The following ZNF99 variants were observed in gnomAD, a reference collection of about 807,000 sequenced individuals.
ZNF99 encodes zinc finger protein ENSP00000375192.
A neutral mutation model predicts 12.8 loss-of-function variants in ZNF99; 8 were observed. The ratio of observed to expected loss-of-function variants is 0.62; its 90% CI spans 0.37 to 1.13. ZNF99 has a LOEUF of 1.13. Among genes scored for constraint, ZNF99 ranks in the 50% most tolerant of loss-of-function variants. The pLI is 0.02. For synonymous variants in ZNF99, 318 were observed against 319.0 expected, an observed-to-expected ratio of 1.00 and a Z score of 0.03; for missense variants, 1,007 against 1,006.2, an observed-to-expected ratio of 1.00 and a Z score of -0.01.
chr19:22,770,891 T>C (rs1350817511), intron 1 of ZNF99: 1 of 152,184 alleles, frequency 6.6e-6, no homozygotes, highest in East Asian at 1.9e-4. Flanking sequence ...TTAAGCAGAC[T>C]TTCTTTAGCA....
Position 22,757,902 on chromosome 19 carries a change from T to G in ZNF99, c.2007A>C (p.Val669=), listed in dbSNP as rs1271552902. Residue 669 remains valine, a synonymous_variant, in exon 4 of 4, where the codon GTA becomes GTC. Coordinates refer to ENST00000596209, the MANE Select transcript of ZNF99 (RefSeq NM_001080409.3). ...TGTAGGGTTTCTCTTCAGTATGAAT[T>G]ACTTTATGTCTAGTAAGGTGTGAGG... ...KWSSHLTRHK[V]IHTEEKPYKC... 3 of 1,612,792 alleles carry G rather than the reference T, an allele frequency of 1.9e-6. No homozygotes were observed. The South Asian group carries it at 3.3e-5, about 18-fold the overall frequency.
rs1973000344 is a variant in ZNF99, at chr19:22,753,492, GTTTT to G, written c.*3818_*3821del. On this transcript the variant is annotated 3_prime_UTR_variant, in exon 4 of 4. Transcript: ENST00000596209. The stretch of plus-strand genomic sequence containing the variant: ...TTTTCCAAATTTATTACATTTGCAG[GTTTT>G]TTTCTCTATTATACATTCCCTGATA... 1 of 151,816 alleles carries G rather than the reference GTTTT, an allele frequency of 6.6e-6. No homozygotes were observed. Among genetic ancestry groups the G allele is most frequent in the African/African-American group, 2.4e-5 (1 of 41,336 alleles). 9.4% of individuals were successfully genotyped at this position (151,816 alleles called of 1,614,324 possible). A position where few individuals can be genotyped will look rare whatever the true frequency, so the allele number is the denominator to read the frequency against.
intron 3 of ZNF99, among the ~76,000 whole-genome samples, chr19:22,766,187 T>C (rs1207190451): frequency 1.4e-5 from 2 of 145,154 alleles, no homozygotes; most frequent in Non-Finnish European, 3.0e-5. Context: ...AAAAATTTTA[T>C]AGAAACTACG....
intron 1 of ZNF99, among the ~76,000 whole-genome samples, chr19:22,780,126 A>G (rs1973371354): frequency 6.6e-6 from 1 of 152,158 alleles, no homozygotes; most frequent in African/African-American, 2.4e-5. Context: ...GACTCCCCAG[A>G]AAAAACTAAC....
In ZNF99 at chr19:22,753,865, G is replaced by A. The variant is rs900095810; in HGVS notation, c.*3449C>T. 55 of 292,240 alleles carry A rather than the reference G, an allele frequency of 1.9e-4. No individual in the cohort carries two copies. Among genetic ancestry groups the A allele is most frequent in the Non-Finnish European group, 3.2e-4 (47 of 145,500 alleles). The allele number at this position is 292,240 out of a possible 1,614,324, so 18.1% of individuals were successfully genotyped here. Reference sequence around the variant, plus strand: ...TAAATATTTTGCCACATTCTTCATAGTTTTCTCTAGGATAAATTAGCTTAT... The same window carrying A: ...TAAATATTTTGCCACATTCTTCATAATTTTCTCTAGGATAAATTAGCTTAT... On this transcript the variant is annotated 3_prime_UTR_variant, in exon 4 of 4. Transcript: ENST00000596209.
At chr19:22,768,255 G>C in intron 3 of ZNF99, 50 bp downstream of exon 3, 1 of 1,586,940 alleles carries the variant, frequency 6.3e-7, no homozygotes, top group Non-Finnish European at 8.6e-7. Context: ...CTTTCTCCTG[G>C]ACCTCTGGAC....
In ZNF99 at chr19:22,768,380, C is replaced by G; in HGVS notation, c.151G>C (p.Asp51His). The G allele has an allele frequency of 1.9e-6, 3 of 1,613,652 alleles. No homozygotes were observed. The highest frequency in any genetic ancestry group is 2.5e-6 in the Non-Finnish European group (3 of 1,179,866). The change falls in exon 3 of 4, where the codon GAC becomes CAC. Residue 51 changes from aspartate (D) to histidine (H), a missense_variant. Transcript: ENST00000596209. ...CCTTGCTTCAGACAAGTTATCAAGT[C>G]TAGCTTAGAGACAGCGATACCTGTT... ...VFLGIAVSKL[D>H]LITCLKQGKE...
chr19:22,766,713 G>A (rs1373290935), intron 3 of ZNF99, among the ~76,000 whole-genome samples: 2 of 147,976 alleles, frequency 1.4e-5, no homozygotes, highest in East Asian at 2.0e-4. Context: ...GTGCAATGGC[G>A]CCATCTCGGC....
At chr19:22,759,958 C>T (rs765821362) in intron 3 of ZNF99, among the ~76,000 whole-genome samples, 98 of 152,282 alleles carry the variant, frequency 6.4e-4, no homozygotes, top group Non-Finnish European at 1.3e-3. Flanking sequence ...GTTACAGTTT[C>T]CCAACTCAGC....
At chr19:22,767,331 G>T (rs961447360) in intron 3 of ZNF99, among the ~76,000 whole-genome samples, 2 of 151,976 alleles carry the variant, frequency 1.3e-5, no homozygotes, top group Non-Finnish European at 2.9e-5. Flanking sequence ...TGCCTGAGTG[G>T]CTTAAGAAAA....
rs1364801698 is a variant in ZNF99, at chr19:22,758,450, C to G, written c.1459G>C (p.Gly487Arg). ...TTTGAGGACCACTTAAAAGCTTTACCACATTCTTCACATTTGTAGGGTTTC... is the reference window on the plus strand; with the variant it reads ...TTTGAGGACCACTTAAAAGCTTTACGACATTCTTCACATTTGTAGGGTTTC... Reference protein sequence around the residue: ...GEKPYKCEECGKAFKWSSKLT... With the variant: ...GEKPYKCEECRKAFKWSSKLT... The change falls in exon 4 of 4, where the codon GGT becomes CGT. Residue 487 changes from glycine (G) to arginine (R), a missense_variant. Physicochemically the swap from Gly to Arg is moderately radical, Grantham distance 125. Coordinates refer to ENST00000596209, the MANE Select transcript of ZNF99 (RefSeq NM_001080409.3). 1.9e-6 allele frequency: 3 copies of G among 1,612,868 alleles called. No individual in the cohort carries two copies. The highest frequency in any genetic ancestry group is 2.7e-5 in the African/African-American group (2 of 74,766).
At chr19:22,774,330 T>G (rs1030038078) in intron 1 of ZNF99, 1 of 153,010 alleles carries the variant, frequency 6.5e-6, no homozygotes, top group African/African-American at 2.4e-5. Flanking sequence ...TTTTAGAAGG[T>G]TTCTCTTCCA....
Position 22,759,650 on chromosome 19 carries a change from G to T in ZNF99, c.259C>A (p.Pro87Thr), listed in dbSNP as rs781333987. 6 of 1,558,228 alleles carry T rather than the reference G, an allele frequency of 3.9e-6. No homozygotes were observed. In the Admixed American group the frequency reaches 1.3e-4, roughly 34 times the overall value. Residue 87 changes from proline to threonine, a missense_variant, in exon 4 of 4, where the codon CCA becomes ACA. Transcript: ENST00000596209. Reference sequence around the variant, plus strand: ...AAAGAATCTTTTATGCTCTGATCTGGCCAAAAGTCTTGTGTAAAATGAGAA... The same window carrying T: ...AAAGAATCTTTTATGCTCTGATCTGTCCAAAAGTCTTGTGTAAAATGAGAA... ...ISSHFTQDFWPDQSIKDSFQE... is the reference protein window; with the variant it reads ...ISSHFTQDFWTDQSIKDSFQE...
intron 3 of ZNF99, among the ~76,000 whole-genome samples, chr19:22,761,248 A>G (rs889745635): frequency 6.6e-6 from 1 of 152,178 alleles, no homozygotes; most frequent in African/African-American, 2.4e-5. Context: ...TCTTCCCCTA[A>G]TGGCGTGAGG....
Position 22,755,609 on chromosome 19 carries a change from T to C in ZNF99, c.*1705A>G, listed in dbSNP as rs1371089932. The C allele has an allele frequency of 7.1e-6, 2 of 282,462 alleles. No homozygotes were observed. The highest frequency in any genetic ancestry group is 8.8e-5 in the East Asian group (1 of 11,300). The allele number at this position is 282,462 out of a possible 1,614,324, so 17.5% of individuals were successfully genotyped here. ...GCAGTTAAAAGTTTTGCCAAATTCTTTAAATTTGTAGTGTTCCTCTCCAAG... is the reference window on the plus strand; with the variant it reads ...GCAGTTAAAAGTTTTGCCAAATTCTCTAAATTTGTAGTGTTCCTCTCCAAG... On this transcript the variant is annotated 3_prime_UTR_variant, in exon 4 of 4. Transcript: ENST00000596209.
At chr19:22,771,246 C>CTT (rs74174102) in intron 1 of ZNF99, 2,591 of 68,218 alleles carry the variant, frequency 0.038, 403 homozygotes, top group Non-Finnish European at 0.047. Context: ...AAAGCATTTT[C>CTT]TTTTTTTTTT....
At chr19:22,764,132 C>A (rs887738650) in intron 3 of ZNF99, among the ~76,000 whole-genome samples, 1 of 151,968 alleles carries the variant, frequency 6.6e-6, no homozygotes, top group Non-Finnish European at 1.5e-5. Context: ...TGGTCTTGAA[C>A]TCCTGACCTC....
Position 22,755,751 on chromosome 19 carries a change from C to T in ZNF99, c.*1563G>A, listed in dbSNP as rs1437539402. 2 of 316,914 alleles carry T rather than the reference C, an allele frequency of 6.3e-6. No individual in the cohort carries two copies. The highest frequency in any genetic ancestry group is 8.4e-5 in the Admixed American group (2 of 23,718). The allele number at this position is 316,914 out of a possible 1,614,324, so 19.6% of individuals were successfully genotyped here. ...TCTTATGTTCAGTAAGATTTGAGGA[C>T]TGATTAAAAGCTTTGCCACATTCCT... On this transcript the variant is annotated 3_prime_UTR_variant, in exon 4 of 4. Transcript: ENST00000596209.
At chr19:22,775,883 G>C (rs1486111145) in intron 1 of ZNF99, among the ~76,000 whole-genome samples, 1 of 152,052 alleles carries the variant, frequency 6.6e-6, no homozygotes, top group Non-Finnish European at 1.5e-5. Flanking sequence ...TTAGCTGGGC[G>C]TGGTGGTAGG....
Sources: allele counts gnomAD v4.1 joint callset (sites outside exome capture counted in the v4.1 genomes callset), GRCh38; gene constraint gnomAD v4.1.1; transcripts MANE v1.5; gene names NCBI Gene and HGNC (gene_info 2026-07-23, HGNC 2026-07-21).